The following RPS6KC1 variants were observed in gnomAD, a reference collection of about 807,000 sequenced individuals.
RPS6KC1 encodes inactive ribosomal protein S6 kinase delta-1.
In RPS6KC1, 54 loss-of-function variants were observed where a neutral mutation model predicts 103.8. That is an observed-to-expected ratio of 0.52 (90% confidence interval 0.42 to 0.65). The LOEUF (loss-of-function observed/expected upper bound fraction) is 0.65, where lower values mean the gene tolerates loss of function less well. RPS6KC1 is among the 30% of genes least tolerant of loss of function. RPS6KC1 has a pLI of 0.00. For synonymous variants in RPS6KC1, 439 were observed against 438.7 expected (o/e 1.00, Z -0.01); for missense variants, 1,151 against 1,253.8 (o/e 0.92, Z 1.24).
the RPS6KC1 span, among the ~76,000 whole-genome samples, chr1:213,385,099 A>G: frequency 8.5e-5 from 13 of 152,304 alleles, no homozygotes; most frequent in African/African-American, 3.1e-4. Flanking sequence ...GTAATTCTTA[A>G]TGGTGGGGTT....
chr1:213,788,997 C>A, the RPS6KC1 span, among the ~76,000 whole-genome samples: 5 of 152,156 alleles, frequency 3.3e-5, no homozygotes, highest in Non-Finnish European at 2.9e-5. Flanking sequence ...GGGTGGACAG[C>A]ACATTTTTGT....
the RPS6KC1 span, among the ~76,000 whole-genome samples, chr1:213,796,075 T>C: frequency 1.8e-4 from 28 of 152,234 alleles, no homozygotes; most frequent in Admixed American, 1.8e-3. Flanking sequence ...AAAATGGTGA[T>C]ATTGTTACAG....
the RPS6KC1 span, among the ~76,000 whole-genome samples, chr1:213,583,025 T>G: frequency 2.0e-5 from 3 of 152,234 alleles, no homozygotes; most frequent in African/African-American, 7.2e-5. Flanking sequence ...TGTAGTCTTT[T>G]GTGTCTGGAT....
At chr1:213,120,048 G>T (rs60294869) in intron 5 of RPS6KC1, among the ~76,000 whole-genome samples, 24,091 of 152,164 alleles carry the variant, frequency 0.16, 5,072 homozygotes, top group African/African-American at 0.49. Context: ...GTTTCAAAAA[G>T]ATGTGTTTTC....
intron 8 of RPS6KC1, among the ~76,000 whole-genome samples, chr1:213,213,101 C>T (rs924503165): frequency 6.6e-5 from 10 of 152,224 alleles, no homozygotes; most frequent in Non-Finnish European, 1.3e-4. Flanking sequence ...TTCTTTCATA[C>T]GAGTGGGTTC....
chr1:213,140,722 G>T (rs1317410746), intron 6 of RPS6KC1, among the ~76,000 whole-genome samples: 1 of 152,024 alleles, frequency 6.6e-6, no homozygotes, highest in Non-Finnish European at 1.5e-5. Flanking sequence ...TTGATGTGCT[G>T]CTGGATTCCT....
chr1:213,099,741 C>A (rs977617551), intron 3 of RPS6KC1, among the ~76,000 whole-genome samples: 1 of 152,130 alleles, frequency 6.6e-6, no homozygotes, highest in African/African-American at 2.4e-5. Flanking sequence ...AATGGAATCA[C>A]GCTGTACAAA....
chr1:213,635,312 A>C, the RPS6KC1 span, among the ~76,000 whole-genome samples: 1 of 152,340 alleles, frequency 6.6e-6, no homozygotes, highest in South Asian at 2.1e-4. Flanking sequence ...TGGCAGAGAC[A>C]CAACAAAAAA....
At chr1:213,421,775 G>A in the RPS6KC1 span, among the ~76,000 whole-genome samples, 2 of 152,236 alleles carry the variant, frequency 1.3e-5, no homozygotes, top group African/African-American at 2.4e-5. Context: ...GAGAAAGGTT[G>A]TTACCATCCT....
chr1:213,090,083 G>A (rs2080824854), intron 3 of RPS6KC1, among the ~76,000 whole-genome samples: 1 of 152,222 alleles, frequency 6.6e-6, no homozygotes, highest in Admixed American at 6.5e-5. Context: ...GGTTGAAGAA[G>A]TGAGCATTAG....
chr1:213,543,829 CAT>C, the RPS6KC1 span, among the ~76,000 whole-genome samples: 1 of 152,170 alleles, frequency 6.6e-6, no homozygotes, highest in African/African-American at 2.4e-5. Context: ...TTCTTGCAGA[CAT>C]AGAGTGTAGA....
the RPS6KC1 span, among the ~76,000 whole-genome samples, chr1:213,657,838 A>G: frequency 6.6e-6 from 1 of 152,178 alleles, no homozygotes; most frequent in East Asian, 1.9e-4. Flanking sequence ...TATTTATTGA[A>G]AGCCTGCTAA....
At chr1:213,287,274 ATTTT>A in the RPS6KC1 span, among the ~76,000 whole-genome samples, 1 of 134,414 alleles carries the variant, frequency 7.4e-6, no homozygotes, top group Non-Finnish European at 1.6e-5. Flanking sequence ...GTGTGTGTGT[ATTTT>A]TTTAAGTGGA....
chr1:213,298,239 T>C, the RPS6KC1 span, among the ~76,000 whole-genome samples: 1 of 152,380 alleles, frequency 6.6e-6, no homozygotes, highest in Admixed American at 6.5e-5. Context: ...CATTTTTGCG[T>C]GTATCTTTTG....
the RPS6KC1 span, among the ~76,000 whole-genome samples, chr1:213,387,772 A>T: frequency 1.3e-5 from 2 of 152,240 alleles, no homozygotes; most frequent in Non-Finnish European, 2.9e-5. Context: ...CTAGGCAATT[A>T]TCTGACTCAA....
intron 12 of RPS6KC1, among the ~76,000 whole-genome samples, chr1:213,258,475 T>C (rs1471752480): frequency 6.6e-6 from 1 of 152,234 alleles, no homozygotes; most frequent in African/African-American, 2.4e-5. Flanking sequence ...TGATTTTAGC[T>C]TCACATAATT....
chr1:213,495,425 G>A, the RPS6KC1 span, among the ~76,000 whole-genome samples: 1 of 151,972 alleles, frequency 6.6e-6, no homozygotes, highest in Admixed American at 6.6e-5. Flanking sequence ...GGGTTCAAGC[G>A]ATTCTCCTGC....
In RPS6KC1 at chr1:213,272,763, T is replaced by C. The variant is rs186353531; in HGVS notation, c.*129T>C. On this transcript the variant is annotated 3_prime_UTR_variant, in exon 15 of 15. Transcript: ENST00000366960. Reference sequence around the variant, plus strand: ...TTTGGATAAAGACCGTTATAGGAAATGGGGGGGAAATGGCTAAAAGAGAAC... The same window carrying C: ...TTTGGATAAAGACCGTTATAGGAAACGGGGGGGAAATGGCTAAAAGAGAAC... 72 of 653,976 alleles carry C rather than the reference T, an allele frequency of 1.1e-4. No individual in the cohort carries two copies. Among genetic ancestry groups the C allele is most frequent in the Non-Finnish European group, 8.1e-6 (3 of 368,842 alleles). 40.5% of individuals were successfully genotyped at this position (653,976 alleles called of 1,614,324 possible).
intron 8 of RPS6KC1, among the ~76,000 whole-genome samples, chr1:213,187,361 C>T (rs2092575970): frequency 6.6e-6 from 1 of 150,992 alleles, no homozygotes. Context: ...TCTCGTGCCT[C>T]AGCCTCCCAA....
Sources: gnomAD v4.1 joint callset for allele counts (sites outside exome capture counted in the v4.1 genomes callset) on GRCh38, gnomAD v4.1.1 for gene constraint, MANE v1.5 for transcripts, NCBI Gene and HGNC (gene_info 2026-07-23, HGNC 2026-07-21) for gene names.